The following FOXP1 variants were observed in gnomAD, a reference collection of about 807,000 sequenced individuals.
The protein encoded by FOXP1 is forkhead box protein P1.
A neutral mutation model predicts 98.2 loss-of-function variants in FOXP1; 15 were observed. The observed-to-expected ratio is 0.15, with a 90% CI of 0.10 to 0.24. The LOEUF is 0.24. Among genes scored for constraint, FOXP1 ranks in the 10% least tolerant of loss-of-function variants. The pLI, the probability that FOXP1 is intolerant of heterozygous loss-of-function variation, is 1.00. For missense variants in FOXP1, 633 were observed against 848.5 expected (o/e 0.75, Z 3.15); for synonymous variants, 371 against 314.5 (o/e 1.18, Z -1.90).
chr3:71,278,463 G>T (rs145751535), intron 5 of FOXP1, among the ~76,000 whole-genome samples: 105 of 152,206 alleles, frequency 6.9e-4, no homozygotes, highest in African/African-American at 2.5e-3. Context: ...TAAAACGGCC[G>T]GTCTCAGGAA....
chr3:71,462,110 C>G (rs1177047492), intron 3 of FOXP1, among the ~76,000 whole-genome samples: 1 of 152,072 alleles, frequency 6.6e-6, no homozygotes, highest in Non-Finnish European at 1.5e-5. Context: ...AAGAGGAAGG[C>G]CTTACAGGAC....
chr3:71,456,767 C>T (rs2087549122), intron 3 of FOXP1, among the ~76,000 whole-genome samples: 1 of 150,938 alleles, frequency 6.6e-6, no homozygotes, highest in South Asian at 2.1e-4. Context: ...ATTCTACTAT[C>T]AAAAGCAACC....
At chr3:71,477,369 T>TA (rs1380501075) in intron 3 of FOXP1, among the ~76,000 whole-genome samples, 1 of 152,200 alleles carries the variant, frequency 6.6e-6, no homozygotes, top group Non-Finnish European at 1.5e-5. Flanking sequence ...AAAACTCTCG[T>TA]AATCAAATGC....
intron 7 of FOXP1, among the ~76,000 whole-genome samples, chr3:71,105,623 C>T (rs1575716919): frequency 6.6e-6 from 1 of 152,146 alleles, no homozygotes; most frequent in African/African-American, 2.4e-5. Flanking sequence ...TCTCCACCTC[C>T]TAGCCCCAAC....
chr3:71,222,194 C>T (rs1184366272), intron 5 of FOXP1, among the ~76,000 whole-genome samples: 1 of 151,956 alleles, frequency 6.6e-6, no homozygotes, highest in Non-Finnish European at 1.5e-5. Flanking sequence ...AAGTCCTTCA[C>T]CCAGATCCAT....
At chr3:71,150,965 A>AAAGGGAAGGCATATGGGGGTC (rs2060542956) in intron 6 of FOXP1, among the ~76,000 whole-genome samples, 1 of 152,182 alleles carries the variant, frequency 6.6e-6, no homozygotes, top group Non-Finnish European at 1.5e-5. Flanking sequence ...CTGGAAAGAC[A>AAAGGGAAGGCATATGGGGGTC]AAGGGAAGGC....
rs557525150 is a variant in FOXP1, at chr3:71,225,137, G to A, written c.-11-26745C>T. 7.2e-5 allele frequency among the ~76,000 whole-genome samples: 11 copies of A among 152,326 alleles called. No individual in the cohort carries two copies. The South Asian group carries it at 2.3e-3, about 32-fold the overall frequency. On this transcript the variant is annotated intron_variant, in intron 5 of 20. Transcript: ENST00000649528. ...TTCTCAAAAATTTCAATGATACAAA[G>A]GCACTAGCTGGGAGGCGGCAGTGTG...
Position 71,397,013 on chromosome 3 carries a change from TATATATATATAC to T in FOXP1, c.-167-37781_-167-37770del, listed in dbSNP as rs1251153507. Among the ~76,000 whole-genome samples, 9 of 39,714 alleles carry T rather than the reference TATATATATATAC, an allele frequency of 2.3e-4. 3 individuals carry two copies. The highest frequency in any genetic ancestry group is 2.3e-4 in the Admixed American group (1 of 4,424). The allele number at this position is 39,714 out of a possible 152,430, so 26.1% of individuals were successfully genotyped here. The stretch of plus-strand genomic sequence containing the variant: ...ATATATACACATATATATGTGTATA[TATATATATATAC>T]ATATATATGTGTATATATATATACA... On this transcript the variant is annotated intron_variant, in intron 3 of 20. Transcript: ENST00000649528.
At chr3:71,547,345 C>A (rs1409800170) in intron 2 of FOXP1, among the ~76,000 whole-genome samples, 2 of 152,208 alleles carry the variant, frequency 1.3e-5, no homozygotes, top group African/African-American at 4.8e-5. Flanking sequence ...TGTGGAAACC[C>A]AGCAAGAACG....
At chr3:71,390,525 G>A (rs1267694595) in intron 3 of FOXP1, among the ~76,000 whole-genome samples, 1 of 142,684 alleles carries the variant, frequency 7.0e-6, no homozygotes, top group Non-Finnish European at 1.5e-5. Flanking sequence ...GGTCCTGCAA[G>A]TTACAGTTGT....
At chr3:71,024,481 A>C (rs1048706078) in intron 11 of FOXP1, among the ~76,000 whole-genome samples, 1 of 152,200 alleles carries the variant, frequency 6.6e-6, no homozygotes, top group Non-Finnish European at 1.5e-5. Flanking sequence ...ATTAAAGCCT[A>C]TTAAAGGGCC....
At chr3:71,404,475 AT>A (rs758762468) in intron 3 of FOXP1, among the ~76,000 whole-genome samples, 30 of 151,856 alleles carry the variant, frequency 2.0e-4, no homozygotes, top group Middle Eastern at 3.4e-3. Flanking sequence ...TACTTTTGAT[AT>A]TGTTAATTTG....
chr3:71,058,153 G>A (rs2050937322), intron 7 of FOXP1, among the ~76,000 whole-genome samples: 1 of 152,110 alleles, frequency 6.6e-6, no homozygotes, highest in South Asian at 2.1e-4. Context: ...ACAATTGAAG[G>A]AATTGGGTGG....
chr3:71,365,171 A>G (rs2078835835), intron 3 of FOXP1, among the ~76,000 whole-genome samples: 1 of 152,332 alleles, frequency 6.6e-6, no homozygotes, highest in African/African-American at 2.4e-5. Flanking sequence ...ACACATTAAA[A>G]TTTGTCCTAT....
At chr3:71,051,814 G>C (rs1576446270) in intron 9 of FOXP1, among the ~76,000 whole-genome samples, 1 of 152,266 alleles carries the variant, frequency 6.6e-6, no homozygotes, top group East Asian at 1.9e-4. Flanking sequence ...GTAACTCCCT[G>C]GAAAGAAAGG....
At chr3:71,040,232 A>C (rs2048164710) in intron 11 of FOXP1, 1 of 152,146 alleles carries the variant, frequency 6.6e-6, no homozygotes, top group East Asian at 1.9e-4. Flanking sequence ...TTTGAGAAAT[A>C]TATGAAATTA....
intron 4 of FOXP1, among the ~76,000 whole-genome samples, chr3:71,323,348 A>G (rs962755345): frequency 6.6e-6 from 1 of 152,176 alleles, no homozygotes; most frequent in Admixed American, 6.5e-5. Flanking sequence ...GTCTACTGCC[A>G]TGACCCTATT....
intron 11 of FOXP1, among the ~76,000 whole-genome samples, chr3:71,033,602 C>CAAAA (rs35470748): frequency 1.3e-3 from 89 of 70,630 alleles, no homozygotes; most frequent in Non-Finnish European, 2.4e-3. Flanking sequence ...AGTGAACAGT[C>CAAAA]AAAAAAAAAA....
intron 6 of FOXP1, among the ~76,000 whole-genome samples, chr3:71,155,585 T>C (rs2060782158): frequency 6.6e-6 from 1 of 152,210 alleles, no homozygotes; most frequent in South Asian, 2.1e-4. Context: ...CTCTTTGCAA[T>C]GACCACTCAT....
Sources: gnomAD v4.1 joint callset for allele counts (sites outside exome capture counted in the v4.1 genomes callset) on GRCh38, gnomAD v4.1.1 for gene constraint, MANE v1.5 for transcripts, NCBI Gene and HGNC (gene_info 2026-07-23, HGNC 2026-07-21) for gene names.